The following GNAT3 variants were observed in gnomAD, a reference collection of about 807,000 sequenced individuals.
GNAT3 encodes G protein subunit alpha transducin 3, also known as guanine nucleotide-binding protein G(t) subunit alpha-3.
In GNAT3, 31 loss-of-function variants were observed where a neutral mutation model predicts 37.7. That is an observed-to-expected ratio of 0.82 (90% confidence interval 0.62 to 1.11). GNAT3 has a LOEUF of 1.11. Ranked by LOEUF, GNAT3 falls within the 50% of genes most tolerant of loss-of-function variation. The pLI is 0.00. For synonymous variants in GNAT3, 138 were observed against 139.8 expected (o/e 0.99, Z 0.09); for missense variants, 437 against 412.5 (o/e 1.06, Z -0.51).
At chr7:80,494,007 T>C (rs1790665471) in intron 2 of GNAT3, among the ~76,000 whole-genome samples, 1 of 152,188 alleles carries the variant, frequency 6.6e-6, no homozygotes, top group Non-Finnish European at 1.5e-5. Context: ...AATTATCCTT[T>C]AAAATTCTCT....
At chr7:80,499,523 C>G (rs1790795086) in intron 1 of GNAT3, among the ~76,000 whole-genome samples, 1 of 152,118 alleles carries the variant, frequency 6.6e-6, no homozygotes, top group Non-Finnish European at 1.5e-5. Context: ...GCTGGAATTA[C>G]AAGCATGAGC....
intron 2 of GNAT3, among the ~76,000 whole-genome samples, chr7:80,491,355 T>C (rs1790587756): frequency 1.3e-5 from 2 of 152,172 alleles, no homozygotes; most frequent in Non-Finnish European, 2.9e-5. Context: ...CCAGAGAATA[T>C]AGCAGTAGAT....
At chr7:80,480,429 T>C (rs1387054790) in intron 3 of GNAT3, among the ~76,000 whole-genome samples, 1 of 152,108 alleles carries the variant, frequency 6.6e-6, no homozygotes, top group Non-Finnish European at 1.5e-5. Context: ...GTCAGGCTGT[T>C]ACTGTTACAG....
intron 2 of GNAT3, among the ~76,000 whole-genome samples, chr7:80,493,940 C>G (rs2116206038): frequency 6.6e-6 from 1 of 150,434 alleles, no homozygotes; most frequent in South Asian, 2.1e-4. Flanking sequence ...TCTCTTCCTG[C>G]TGTTGTTGCT....
At chr7:80,501,020 C>G (rs1043793477) in intron 1 of GNAT3, among the ~76,000 whole-genome samples, 2 of 151,834 alleles carry the variant, frequency 1.3e-5, no homozygotes, top group Non-Finnish European at 2.9e-5. Context: ...ATTTTGTTGT[C>G]AAAGTTGTCA....
intron 2 of GNAT3, 59 bp downstream of exon 2, chr7:80,494,546 A>G (rs550256277): frequency 6.7e-6 from 6 of 890,428 alleles, no homozygotes; most frequent in Non-Finnish European, 1.1e-5. Flanking sequence ...TATTTTAAGA[A>G]TGGTCAAATA....
intron 1 of GNAT3, among the ~76,000 whole-genome samples, chr7:80,499,584 G>A (rs1384530754): frequency 6.6e-6 from 1 of 152,156 alleles, no homozygotes; most frequent in Non-Finnish European, 1.5e-5. Flanking sequence ...TACTGGTATT[G>A]CTGTGTCAGC....
chr7:80,471,103 G>C (rs1381948750), intron 5 of GNAT3, among the ~76,000 whole-genome samples: 1 of 150,180 alleles, frequency 6.7e-6, no homozygotes, highest in African/African-American at 2.4e-5. Flanking sequence ...TTCTATCTCT[G>C]GGAGGGCGGC....
chr7:80,496,853 CT>C (rs34567388), intron 1 of GNAT3, among the ~76,000 whole-genome samples: 373 of 136,632 alleles, frequency 2.7e-3, no homozygotes, highest in Admixed American at 2.4e-3. Context: ...GACAACTTTT[CT>C]TTTTTTTTTT....
chr7:80,474,070 G>C (rs1790262911), intron 5 of GNAT3, among the ~76,000 whole-genome samples, 181 bp downstream of exon 5: 1 of 152,150 alleles, frequency 6.6e-6, no homozygotes, highest in Non-Finnish European at 1.5e-5. Flanking sequence ...CTCAGGATGA[G>C]AGGCTGGGGT....
chr7:80,498,015 T>C (rs1028143150), intron 1 of GNAT3, among the ~76,000 whole-genome samples: 1 of 152,154 alleles, frequency 6.6e-6, no homozygotes, highest in African/African-American at 2.4e-5. Context: ...AAATATTTTA[T>C]TGATTAAGAA....
intron 5 of GNAT3, among the ~76,000 whole-genome samples, chr7:80,464,107 G>A (rs1377185124): frequency 2.0e-5 from 3 of 151,736 alleles, no homozygotes; most frequent in African/African-American, 4.8e-5. Context: ...TGATTGGTGT[G>A]TGTGTTTCAA....
chr7:80,481,664 A>C (rs905368729), intron 3 of GNAT3, among the ~76,000 whole-genome samples: 4 of 152,066 alleles, frequency 2.6e-5, no homozygotes, highest in African/African-American at 9.7e-5. Flanking sequence ...TTCCCTTTTC[A>C]AGGCCTTTTC....
intron 5 of GNAT3, among the ~76,000 whole-genome samples, chr7:80,465,747 A>G (rs1262196505): frequency 1.2e-4 from 18 of 152,092 alleles, no homozygotes; most frequent in Admixed American, 7.9e-4. Context: ...CAAACAGGTC[A>G]CTGGGCAAAA....
chr7:80,481,111 G>A (rs1408679058), intron 3 of GNAT3, among the ~76,000 whole-genome samples: 2 of 152,004 alleles, frequency 1.3e-5, no homozygotes, highest in African/African-American at 4.8e-5. Context: ...AAAAAATAAG[G>A]ATATGTCACT....
intron 3 of GNAT3, among the ~76,000 whole-genome samples, chr7:80,483,657 A>G (rs1240964444): frequency 1.3e-5 from 2 of 151,502 alleles, no homozygotes; most frequent in Non-Finnish European, 2.9e-5. Flanking sequence ...CCAAGACTCA[A>G]GATGCACTGA....
At chr7:80,506,875 G>A (rs1420869797) in intron 1 of GNAT3, among the ~76,000 whole-genome samples, 1 of 152,036 alleles carries the variant, frequency 6.6e-6, no homozygotes, top group Non-Finnish European at 1.5e-5. Flanking sequence ...TTTTTGTGGT[G>A]AGAACACTTA....
intron 2 of GNAT3, among the ~76,000 whole-genome samples, chr7:80,490,095 A>G (rs566587442): frequency 2.0e-5 from 3 of 152,296 alleles, no homozygotes; most frequent in East Asian, 1.9e-4. Flanking sequence ...GTTGAAATTA[A>G]TAAGCTTTTA....
intron 1 of GNAT3, among the ~76,000 whole-genome samples, chr7:80,495,967 C>T (rs1413794644): frequency 6.6e-6 from 1 of 152,006 alleles, no homozygotes; most frequent in African/African-American, 2.4e-5. Context: ...TTGTTTGATG[C>T]ATAGCTTGCA....
Sources: gnomAD v4.1 joint callset for allele counts (sites outside exome capture counted in the v4.1 genomes callset) on GRCh38, gnomAD v4.1.1 for gene constraint, MANE v1.5 for transcripts, NCBI Gene and HGNC (gene_info 2026-07-23, HGNC 2026-07-21) for gene names.